Variants in SKAP1 observed in about 807,000 individuals in gnomAD.
The protein encoded by SKAP1 is src kinase associated phosphoprotein 1.
In SKAP1, 44 loss-of-function variants were observed where a neutral mutation model predicts 58.5. That is an observed-to-expected ratio of 0.75 (90% CI 0.59 to 0.97). The LOEUF is 0.97. SKAP1 is among the 50% of genes least tolerant of loss of function. SKAP1 has a pLI of 0.00. For missense variants in SKAP1, 390 were observed against 435.2 expected (o/e 0.90, Z 0.92); for synonymous variants, 127 against 149.7 (o/e 0.85, Z 1.11).
At chr17:48,241,625 G>A (rs988055806) in intron 4 of SKAP1, among the ~76,000 whole-genome samples, 1 of 152,054 alleles carries the variant, frequency 6.6e-6, no homozygotes, top group East Asian at 1.9e-4. Flanking sequence ...CTCGGGGAAG[G>A]CCTAACAAAG....
At chr17:48,431,979 C>T (rs1314364354), upstream of SKAP1, among the ~76,000 whole-genome samples, 1 of 152,146 alleles carries the variant, frequency 6.6e-6, no homozygotes. Context: ...TTAAGGAGTA[C>T]AGTGCATCCT....
chr17:48,348,797 T>C (rs117296313), intron 3 of SKAP1, among the ~76,000 whole-genome samples: 2,796 of 152,332 alleles, frequency 0.018, 40 homozygotes, highest in Non-Finnish European at 0.028. Context: ...ACGTGATTCC[T>C]ATGGTTTCTG....
In SKAP1 at chr17:48,286,027, G is replaced by A. The variant is rs139166163; in HGVS notation, c.280+59878C>T. On this transcript the variant is annotated intron_variant, in intron 4 of 12. Coordinates refer to ENST00000336915, the MANE Select transcript of SKAP1 (RefSeq NM_003726.4). The stretch of plus-strand genomic sequence containing the variant: ...CCAGTACAGTGCTTAGCACATAAAG[G>A]GCTCTCAATAAATGATTGCAACAGT... Among the ~76,000 whole-genome samples, 16 of 152,266 alleles carry A rather than the reference G, an allele frequency of 1.1e-4. No homozygotes were observed. In the East Asian group the frequency reaches 2.9e-3, roughly 28 times the overall value.
In SKAP1 at chr17:48,345,525, A is replaced by G. The variant is rs145874716; in HGVS notation, c.280+380T>C. Among the ~76,000 whole-genome samples, 77 of 152,288 alleles carry G rather than the reference A, an allele frequency of 5.1e-4. 1 individual carries two copies. Among genetic ancestry groups the G allele is most frequent in the Admixed American group, 1.3e-3 (20 of 15,302 alleles). Reference sequence around the variant, plus strand: ...TCCACAGAAAATTAATAATCCAACAATCATTAAATAAAAGCTTCAATTCTC... The same window carrying G: ...TCCACAGAAAATTAATAATCCAACAGTCATTAAATAAAAGCTTCAATTCTC... On this transcript the variant is annotated intron_variant, in intron 4 of 12. Transcript: ENST00000336915.
At position 48,347,436 on chromosome 17, in the gene SKAP1, T is replaced by C. The variant is rs9905442; in HGVS notation, c.179-1430A>G. ...TTAAACTAGAAAGCCAGGGAGGTTA[T>C]AAAATGATAAAAAGAGAATGGCTGT... On this transcript the variant is annotated intron_variant, in intron 3 of 12. Transcript: ENST00000336915. Among the ~76,000 whole-genome samples, 616 of 152,306 alleles carry C rather than the reference T, an allele frequency of 4.0e-3. 2 individuals carry two copies. Among genetic ancestry groups the C allele is most frequent in the African/African-American group, 0.014 (563 of 41,582 alleles).
At chr17:48,325,126 G>A (rs2066417659) in intron 4 of SKAP1, among the ~76,000 whole-genome samples, 1 of 152,078 alleles carries the variant, frequency 6.6e-6, no homozygotes, top group South Asian at 2.1e-4. Flanking sequence ...GCGGGCGCCT[G>A]TAGTCCCAGC....
chr17:48,363,610 G>C (rs1259504396), intron 3 of SKAP1, among the ~76,000 whole-genome samples, 179 bp downstream of exon 3: 4 of 152,208 alleles, frequency 2.6e-5, no homozygotes, highest in Non-Finnish European at 5.9e-5. Flanking sequence ...AGAGCTTCTT[G>C]TTGCTAAAAA....
At chr17:48,194,548 C>T (rs1385257273) in intron 4 of SKAP1, among the ~76,000 whole-genome samples, 2 of 152,142 alleles carry the variant, frequency 1.3e-5, no homozygotes, top group Non-Finnish European at 2.9e-5. Context: ...AACACCAGAG[C>T]ACAAGGCTAA....
At position 48,240,684 on chromosome 17, in the gene SKAP1, T is replaced by A. The variant is rs115098578; in HGVS notation, c.281-51184A>T. ...TGTCCAGAAACCAAATGGTTTATTG[T>A]GCAGTGTTGTTCCAGTGGAATTACT... On this transcript the variant is annotated intron_variant, in intron 4 of 12. Transcript: ENST00000336915. Among the ~76,000 whole-genome samples the A allele has an allele frequency of 1.4e-3, 212 of 152,356 alleles. 1 individual carries two copies. Among genetic ancestry groups the A allele is most frequent in the African/African-American group, 4.7e-3 (196 of 41,580 alleles).
At chr17:48,153,763 C>A (rs1234780039) in intron 11 of SKAP1, among the ~76,000 whole-genome samples, 3 of 151,326 alleles carry the variant, frequency 2.0e-5, no homozygotes, top group Admixed American at 1.3e-4. Flanking sequence ...CCACTTACTA[C>A]CCCTAAATTA....
intron 4 of SKAP1, among the ~76,000 whole-genome samples, chr17:48,213,650 T>G (rs1449887322): frequency 3.3e-5 from 5 of 152,190 alleles, no homozygotes; most frequent in African/African-American, 1.2e-4. Context: ...CACCACATTC[T>G]GCCTCCTATT....
At chr17:48,212,086 T>C (rs940505632) in intron 4 of SKAP1, among the ~76,000 whole-genome samples, 4 of 151,398 alleles carry the variant, frequency 2.6e-5, no homozygotes, top group African/African-American at 7.3e-5. Context: ...CCAGTAATAC[T>C]GCACACAGCT....
chr17:48,297,784 T>G (rs1266333826), intron 4 of SKAP1, among the ~76,000 whole-genome samples: 1 of 152,208 alleles, frequency 6.6e-6, no homozygotes, highest in Non-Finnish European at 1.5e-5. Context: ...TATAAGGGAA[T>G]GGACCTATGT....
intron 4 of SKAP1, among the ~76,000 whole-genome samples, chr17:48,249,584 G>A (rs1482925543): frequency 6.6e-6 from 1 of 151,806 alleles, no homozygotes; most frequent in African/African-American, 2.4e-5. Context: ...TGCGACAGGA[G>A]AATCATCTGA....
In SKAP1 at chr17:48,180,246, G is replaced by T; in HGVS notation, c.634C>A (p.Leu212Met). 6.4e-7 allele frequency: 1 copy of T among 1,561,354 alleles called. No individual in the cohort carries two copies. The highest frequency in any genetic ancestry group is 8.7e-7 in the Non-Finnish European group (1 of 1,153,610). ...VDQISFLLKDLSSLTIPYEED... is the reference protein window; with the variant it reads ...VDQISFLLKDMSSLTIPYEED... The stretch of plus-strand genomic sequence containing the variant: ...TCATATGGAATGGTTAAGGAGCTCA[G>T]ATCTAACAAGGCAAAGATGAGAATG... The change falls in exon 9 of 13, where the codon CTG (leucine) becomes ATG (methionine). Residue 212 changes from leucine (L) to methionine (M), a missense_variant and splice_region_variant. By Grantham distance (15) the Leu-to-Met change is conservative. Coordinates refer to ENST00000336915, the MANE Select transcript of SKAP1 (RefSeq NM_003726.4).
intron 4 of SKAP1, among the ~76,000 whole-genome samples, chr17:48,296,586 A>G (rs2144105413): frequency 1.3e-5 from 2 of 152,298 alleles, no homozygotes; most frequent in East Asian, 3.9e-4. Flanking sequence ...GGTCTAACTA[A>G]AATTTCCTAC....
At chr17:48,396,232 T>C (rs1217441651) in intron 2 of SKAP1, among the ~76,000 whole-genome samples, 1 of 152,226 alleles carries the variant, frequency 6.6e-6, no homozygotes, top group African/African-American at 2.4e-5. Context: ...CATCCCAATG[T>C]AGTCAAAGAA....
At chr17:48,251,713 T>C (rs771905799) in intron 4 of SKAP1, among the ~76,000 whole-genome samples, 6 of 152,200 alleles carry the variant, frequency 3.9e-5, no homozygotes, top group Non-Finnish European at 8.8e-5. Flanking sequence ...TCTATGTGCA[T>C]GAATTTTCTA....
At chr17:48,187,047 G>A (rs1362605838) in intron 6 of SKAP1, among the ~76,000 whole-genome samples, 1 of 152,188 alleles carries the variant, frequency 6.6e-6, no homozygotes, top group Admixed American at 6.5e-5. Flanking sequence ...AATTACTCCT[G>A]GGGCAGTCCA....
Sources: gnomAD v4.1 joint callset for allele counts (sites outside exome capture counted in the v4.1 genomes callset) on GRCh38, gnomAD v4.1.1 for gene constraint, MANE v1.5 for transcripts, NCBI Gene and HGNC (gene_info 2026-07-23, HGNC 2026-07-21) for gene names.